Variants in SIPA1L1 observed in about 807,000 individuals in gnomAD.
SIPA1L1 encodes signal induced proliferation associated 1 like 1.
A neutral mutation model predicts 162.7 loss-of-function variants in SIPA1L1; 26 were observed. The ratio of observed to expected loss-of-function variants is 0.16; its 90% CI spans 0.12 to 0.22. SIPA1L1 has a LOEUF of 0.22. SIPA1L1 is among the 10% of genes least tolerant of loss of function. The pLI, the probability that SIPA1L1 is intolerant of heterozygous loss-of-function variation, is 1.00. For missense variants in SIPA1L1, 1,874 were observed against 2,241.0 expected, an observed-to-expected ratio of 0.84 and a Z score of 3.31; for synonymous variants, 829 against 837.4, an observed-to-expected ratio of 0.99 and a Z score of 0.17.
chr14:71,493,940 C>G (rs1263569955), intron 2 of SIPA1L1, among the ~76,000 whole-genome samples: 3 of 152,174 alleles, frequency 2.0e-5, no homozygotes, highest in Non-Finnish European at 4.4e-5. Context: ...CCCGAAGGGA[C>G]TCCGTGGTTC....
chr14:71,325,364 G>A (rs569612330), intron 2 of SIPA1L1, among the ~76,000 whole-genome samples: 56 of 152,282 alleles, frequency 3.7e-4, no homozygotes, highest in African/African-American at 1.3e-3. Flanking sequence ...TTTTTATTCA[G>A]TGGACTGTTG....
chr14:71,723,561 C>T, intron 17 of SIPA1L1, 86 bp from the exon 18 acceptor site: 4 of 1,484,626 alleles, frequency 2.7e-6, no homozygotes, highest in Non-Finnish European at 2.8e-6. Context: ...TTGTTCAACC[C>T]AGCCATCACC....
At chr14:71,389,805 G>A (rs2040605475) in intron 2 of SIPA1L1, among the ~76,000 whole-genome samples, 1 of 152,138 alleles carries the variant, frequency 6.6e-6, no homozygotes, top group Non-Finnish European at 1.5e-5. Context: ...CCTTTCCTCG[G>A]TCTGACATGC....
chr14:71,331,724 T>G (rs145929900), intron 2 of SIPA1L1, among the ~76,000 whole-genome samples: 47 of 152,360 alleles, frequency 3.1e-4, no homozygotes, highest in African/African-American at 1.1e-3. Flanking sequence ...CTGTGTTGTC[T>G]TTCCTTTTCC....
chr14:71,670,353 G>A (rs2044398626), intron 10 of SIPA1L1, among the ~76,000 whole-genome samples: 1 of 152,096 alleles, frequency 6.6e-6, no homozygotes, highest in African/African-American at 2.4e-5. Context: ...ACTGGAACAG[G>A]CTTTCTTATA....
chr14:71,469,268 G>A (rs897960817), intron 2 of SIPA1L1, among the ~76,000 whole-genome samples: 1 of 152,152 alleles, frequency 6.6e-6, no homozygotes, highest in Admixed American at 6.5e-5. Flanking sequence ...CATCACTCTA[G>A]TGCTTAGTTA....
At chr14:71,406,921 T>G (rs1411140769) in intron 2 of SIPA1L1, among the ~76,000 whole-genome samples, 1 of 152,206 alleles carries the variant, frequency 6.6e-6, no homozygotes, top group East Asian at 1.9e-4. Flanking sequence ...CTGATTTCAT[T>G]AGCACCTGAT....
At position 71,739,660 on chromosome 14, in the gene SIPA1L1, G is replaced by A. The variant is rs2085626444; in HGVS notation, c.*499G>A. On this transcript the variant is annotated 3_prime_UTR_variant, in exon 24 of 24. Coordinates refer to ENST00000381232, the MANE Select transcript of SIPA1L1 (RefSeq NM_001386936.1). The stretch of plus-strand genomic sequence containing the variant: ...CTTCTTCCCTAAAATGCCTGGAGAG[G>A]GAGTTGCTTTGAGAAAATGCCTACC... The A allele has an allele frequency of 6.6e-6, 1 of 152,302 alleles. No homozygotes were observed. The highest frequency in any genetic ancestry group is 1.5e-5 in the Non-Finnish European group (1 of 68,122). The allele number at this position is 152,302 out of a possible 1,614,324, so 9.4% of individuals were successfully genotyped here. A position where few individuals can be genotyped will look rare whatever the true frequency, so the allele number is the denominator to read the frequency against.
At chr14:71,391,844 C>A (rs774034669) in intron 2 of SIPA1L1, among the ~76,000 whole-genome samples, 2 of 152,178 alleles carry the variant, frequency 1.3e-5, no homozygotes, top group Non-Finnish European at 2.9e-5. Context: ...GGAAAGAAGG[C>A]ACAGGGAGGA....
At chr14:71,353,207 A>G (rs1213019010) in intron 2 of SIPA1L1, among the ~76,000 whole-genome samples, 1 of 152,190 alleles carries the variant, frequency 6.6e-6, no homozygotes, top group Non-Finnish European at 1.5e-5. Context: ...CTGTTCTTCC[A>G]CTTGCTGGCT....
chr14:71,506,344 T>C (rs575316586), intron 2 of SIPA1L1, among the ~76,000 whole-genome samples: 2 of 152,114 alleles, frequency 1.3e-5, no homozygotes, highest in South Asian at 2.1e-4. Flanking sequence ...CAAATACATA[T>C]ATATATATTT....
At chr14:71,468,665 G>A (rs1252885255) in intron 2 of SIPA1L1, among the ~76,000 whole-genome samples, 2 of 152,082 alleles carry the variant, frequency 1.3e-5, no homozygotes, top group African/African-American at 2.4e-5. Context: ...CATGAGATTC[G>A]GACAGGGGCA....
At chr14:71,690,533 C>T (rs1022312942) in intron 13 of SIPA1L1, among the ~76,000 whole-genome samples, 3 of 152,210 alleles carry the variant, frequency 2.0e-5, no homozygotes, top group Admixed American at 1.3e-4. Flanking sequence ...CAGGTGAGAG[C>T]CACTGCACCC....
At chr14:71,442,367 T>A (rs184022280) in intron 2 of SIPA1L1, among the ~76,000 whole-genome samples, 20 of 152,102 alleles carry the variant, frequency 1.3e-4, no homozygotes, top group Middle Eastern at 3.4e-3. Context: ...GCCCAGAGTA[T>A]AGATGGAAGC....
At chr14:71,431,712 T>A (rs906043186) in intron 2 of SIPA1L1, among the ~76,000 whole-genome samples, 7 of 151,866 alleles carry the variant, frequency 4.6e-5, no homozygotes, top group African/African-American at 9.7e-5. Context: ...AATAAATAAA[T>A]AAAAATAAAT....
chr14:71,511,885 C>T (rs1440790125), intron 2 of SIPA1L1, among the ~76,000 whole-genome samples: 3 of 152,174 alleles, frequency 2.0e-5, no homozygotes, highest in Admixed American at 6.5e-5. Context: ...AGAGAGCTCC[C>T]GGGTTGGTGA....
At chr14:71,366,644 G>A (rs1490653958) in intron 2 of SIPA1L1, among the ~76,000 whole-genome samples, 1 of 152,028 alleles carries the variant, frequency 6.6e-6, no homozygotes, top group African/African-American at 2.4e-5. Flanking sequence ...CACTGTGTTA[G>A]CCAAGATGGT....
intron 4 of SIPA1L1, among the ~76,000 whole-genome samples, chr14:71,582,743 G>A (rs1211113339): frequency 1.3e-5 from 2 of 152,194 alleles, no homozygotes; most frequent in African/African-American, 4.8e-5. Context: ...GTGAACATTA[G>A]GAGAGCAGGA....
rs181008768 is a variant in SIPA1L1, at chr14:71,341,707, G to A, written c.-465+20526G>A. Among the ~76,000 whole-genome samples, 102 of 152,160 alleles carry A rather than the reference G, an allele frequency of 6.7e-4. 1 individual carries two copies. The highest frequency in any genetic ancestry group is 6.2e-3 in the Admixed American group (94 of 15,268). ...GTCTATTATTGCCATTCTTATGTCC[G>A]TGAGTACCCAGCGTTTAGCTCCCAA... is the stretch of plus-strand genomic sequence containing the variant. On this transcript the variant is annotated intron_variant, in intron 2 of 23. Transcript: ENST00000381232.
Sources: gnomAD v4.1 joint callset for allele counts (sites outside exome capture counted in the v4.1 genomes callset) on GRCh38, gnomAD v4.1.1 for gene constraint, MANE v1.5 for transcripts, NCBI Gene and HGNC (gene_info 2026-07-23, HGNC 2026-07-21) for gene names.